FKBP9: variants seen among roughly 807,000 people sequenced by gnomAD.
The protein encoded by FKBP9 is FKBP prolyl isomerase 9.
Under a neutral mutation model 55.6 loss-of-function variants are expected in FKBP9, and 27 were observed. That is an observed-to-expected ratio of 0.49 (90% confidence interval 0.36 to 0.67). The LOEUF is 0.67. Ranked by LOEUF, FKBP9 falls within the 30% of genes least tolerant of loss-of-function variation. The pLI, the probability that FKBP9 is intolerant of heterozygous loss-of-function variation, is 0.00. For missense variants in FKBP9, 539 were observed against 742.8 expected (o/e 0.73, Z 3.19); for synonymous variants, 267 against 296.5 (o/e 0.90, Z 1.02).
intron 4 of FKBP9, among the ~76,000 whole-genome samples, chr7:32,979,078 G>T (rs1342694477): frequency 6.6e-6 from 1 of 152,114 alleles, no homozygotes; most frequent in Non-Finnish European, 1.5e-5. Context: ...AGACCAGCCT[G>T]GCCAGCATGG....
chr7:32,986,583 G>A (rs781247417), intron 5 of FKBP9, among the ~76,000 whole-genome samples: 1 of 152,238 alleles, frequency 6.6e-6, no homozygotes, highest in Non-Finnish European at 1.5e-5. Context: ...GTTCTCAGTG[G>A]GTGGGAAGGG....
At chr7:32,996,729 T>G in intron 7 of FKBP9, among the ~76,000 whole-genome samples, 1 of 134,392 alleles carries the variant, frequency 7.4e-6, no homozygotes, top group Non-Finnish European at 1.6e-5. Context: ...TTTTTTTCCT[T>G]CCTTCCTTCC....
At position 33,005,319 on chromosome 7, in the gene FKBP9, AAAGACCAGG is replaced by A. The variant is rs1183543673; in HGVS notation, c.1685_1693del (p.Asp562_Glu564del). 83 of 1,614,022 alleles carry A rather than the reference AAAGACCAGG, an allele frequency of 5.1e-5. No homozygotes were observed. The highest frequency in any genetic ancestry group is 7.0e-5 in the Non-Finnish European group (83 of 1,179,972). ...GGTCACAGCCGAGGAATTTAAACTCAAAGACCAGGAAGCCAAACACGATGAACTCTAAAC... is the reference window on the plus strand; with the variant it reads ...GGTCACAGCCGAGGAATTTAAACTCAAAGCCAAACACGATGAACTCTAAAC... On this transcript the variant is annotated inframe_deletion, in exon 10 of 10. Transcript: ENST00000242209.
At chr7:32,958,640 G>GAT (rs1486538067) in intron 1 of FKBP9, among the ~76,000 whole-genome samples, 3 of 134,576 alleles carry the variant, frequency 2.2e-5, no homozygotes, top group Non-Finnish European at 5.3e-5. Context: ...CAGCCTGGGA[G>GAT]ACAGAGAGAG....
At chr7:32,999,475 CT>C (rs528265138) in intron 7 of FKBP9, among the ~76,000 whole-genome samples, 724 of 128,306 alleles carry the variant, frequency 5.6e-3, no homozygotes, top group Non-Finnish European at 4.5e-3. Context: ...TCTTGGTGGT[CT>C]TTTTTTTTTT....
intron 1 of FKBP9, among the ~76,000 whole-genome samples, chr7:32,968,575 C>CTTTT (rs571695241): frequency 7.0e-6 from 1 of 142,526 alleles, no homozygotes; most frequent in South Asian, 2.2e-4. Flanking sequence ...CTTTTTCTTT[C>CTTTT]TTTTTTTTTT....
chr7:32,999,799 G>A (rs1312665505), intron 7 of FKBP9, among the ~76,000 whole-genome samples: 1 of 152,086 alleles, frequency 6.6e-6, no homozygotes, highest in Non-Finnish European at 1.5e-5. Context: ...CTGGAGTGCA[G>A]GGGCACGATC....
intron 7 of FKBP9, among the ~76,000 whole-genome samples, chr7:32,996,680 T>C (rs561694040): frequency 2.4e-5 from 3 of 125,170 alleles, no homozygotes; most frequent in South Asian, 3.1e-4. Context: ...CTCCCTCCCT[T>C]CCTCTTCTTT....
At chr7:32,969,077 A>AT (rs1784205169) in intron 1 of FKBP9, among the ~76,000 whole-genome samples, 1 of 152,062 alleles carries the variant, frequency 6.6e-6, no homozygotes, top group Non-Finnish European at 1.5e-5. Flanking sequence ...CCCTTTGCTC[A>AT]TTTTAAAATT....
chr7:32,982,407 TA>T (rs1363952150), intron 5 of FKBP9, among the ~76,000 whole-genome samples: 1 of 152,186 alleles, frequency 6.6e-6, no homozygotes, highest in African/African-American at 2.4e-5. Context: ...CAGAATATAG[TA>T]TTACTAGGGA....
intron 9 of FKBP9, among the ~76,000 whole-genome samples, chr7:33,003,642 T>TA (rs993261718): frequency 6.6e-6 from 1 of 152,198 alleles, no homozygotes; most frequent in African/African-American, 2.4e-5. Flanking sequence ...GGTCAGCTCT[T>TA]ACGCTCCTCT....
chr7:32,957,583 C>CG lies in FKBP9; in HGVS notation c.14dup (p.Trp6LeufsTer71). 6.8e-7 allele frequency: 1 copy of CG among 1,467,594 alleles called. No individual in the cohort carries two copies. Among genetic ancestry groups the CG allele is most frequent in the Non-Finnish European group, 8.9e-7 (1 of 1,118,686 alleles). The allele number at this position is 1,467,594 out of a possible 1,614,324, so 90.9% of individuals were successfully genotyped here. On this transcript the variant is annotated frameshift_variant, in exon 1 of 10. Coordinates refer to ENST00000242209, the MANE Select transcript of FKBP9 (RefSeq NM_007270.5). LOFTEE classifies it high-confidence loss of function. Reference sequence around the variant, plus strand: ...TCTTCTCGCCGCCCCGATGGCGTTCCGGGGCTGGAGGCCCCCGCCGCCACC... The same window carrying CG: ...TCTTCTCGCCGCCCCGATGGCGTTCCGGGGGCTGGAGGCCCCCGCCGCCACC...
chr7:32,982,393 A>T (rs1784496896), intron 5 of FKBP9, among the ~76,000 whole-genome samples: 1 of 152,082 alleles, frequency 6.6e-6, no homozygotes, highest in South Asian at 2.1e-4. Context: ...AATTATACGG[A>T]TTTCAGAATA....
chr7:32,963,099 A>AG (rs1784057117), intron 1 of FKBP9, among the ~76,000 whole-genome samples: 1 of 152,318 alleles, frequency 6.6e-6, no homozygotes, highest in African/African-American at 2.4e-5. Flanking sequence ...GGCTTTGAGG[A>AG]GGAGCTGATG....
At chr7:32,965,918 C>T (rs1404037544) in intron 1 of FKBP9, among the ~76,000 whole-genome samples, 1 of 140,318 alleles carries the variant, frequency 7.1e-6, no homozygotes, top group Admixed American at 7.3e-5. Context: ...GGGGGCTGGG[C>T]GCGGTGGCTC....
rs532351902 is a variant in FKBP9 at position 32,963,495 on chromosome 7, A to G, written c.221+5701A>G. On this transcript the variant is annotated intron_variant, in intron 1 of 9. Coordinates refer to ENST00000242209, the MANE Select transcript of FKBP9 (RefSeq NM_007270.5). Reference sequence around the variant, plus strand: ...AGTAGAAATTCTAGAGATCAGCCTCATTGGGGCTTCATTTTACACAGGGAT... The same window carrying G: ...AGTAGAAATTCTAGAGATCAGCCTCGTTGGGGCTTCATTTTACACAGGGAT... 39 of 638,990 alleles carry G rather than the reference A, an allele frequency of 6.1e-5. No homozygotes were observed. The African/African-American group carries it at 6.9e-4, about 11-fold the overall frequency. 39.6% of individuals were successfully genotyped at this position (638,990 alleles called of 1,614,324 possible).
intron 7 of FKBP9, among the ~76,000 whole-genome samples, chr7:32,998,117 A>C (rs896921428): frequency 1.3e-5 from 2 of 152,216 alleles, no homozygotes; most frequent in African/African-American, 4.8e-5. Flanking sequence ...CCTGGCTTAC[A>C]ACAGACCTTG....
chr7:32,985,300 C>G (rs1784554534), intron 5 of FKBP9, among the ~76,000 whole-genome samples: 1 of 151,822 alleles, frequency 6.6e-6, no homozygotes, highest in African/African-American at 2.4e-5. Context: ...CCTCAGCCTC[C>G]CGAGTAGCTG....
chr7:32,996,090 T>A, intron 6 of FKBP9, 73 bp from the exon 7 acceptor site: 1 of 1,417,704 alleles, frequency 7.1e-7, no homozygotes, highest in South Asian at 1.2e-5. Context: ...AGGACATACC[T>A]GGTGACACTG....
Sources: gnomAD v4.1 joint callset for allele counts (sites outside exome capture counted in the v4.1 genomes callset) on GRCh38, gnomAD v4.1.1 for gene constraint, MANE v1.5 for transcripts, NCBI Gene and HGNC (gene_info 2026-07-23, HGNC 2026-07-21) for gene names.